Variants in INPP4B observed in about 807,000 individuals in gnomAD.
The protein encoded by INPP4B is inositol polyphosphate-4-phosphatase type II B, also known as inositol polyphosphate 4-phosphatase type II.
In INPP4B, 55 loss-of-function variants were observed where a neutral mutation model predicts 122.5. The observed-to-expected ratio is 0.45, with a 90% confidence interval of 0.36 to 0.56. The LOEUF (loss-of-function observed/expected upper bound fraction) is 0.56, where lower values mean the gene tolerates loss of function less well. Ranked by LOEUF, INPP4B falls within the 20% of genes least tolerant of loss-of-function variation. The pLI is 0.00. For synonymous variants in INPP4B, 403 were observed against 388.7 expected (o/e 1.04, Z -0.43); for missense variants, 1,000 against 1,097.7 (o/e 0.91, Z 1.26).
chr4:142,560,897 A>C (rs1730329946), intron 2 of INPP4B, among the ~76,000 whole-genome samples: 1 of 152,188 alleles, frequency 6.6e-6, no homozygotes, highest in Non-Finnish European at 1.5e-5. Flanking sequence ...TCAAGTTGAC[A>C]CTCAATATTA....
chr4:142,320,857 T>TA (rs1769732191), intron 7 of INPP4B, among the ~76,000 whole-genome samples: 1 of 152,240 alleles, frequency 6.6e-6, no homozygotes, highest in African/African-American at 2.4e-5. Context: ...ACATTTTCTT[T>TA]ATCTACTCAT....
chr4:142,435,271 T>A (rs997800366), intron 3 of INPP4B, among the ~76,000 whole-genome samples: 1 of 152,186 alleles, frequency 6.6e-6, no homozygotes, highest in Non-Finnish European at 1.5e-5. Context: ...CATTTAGTTT[T>A]GTTTTGTTTT....
intron 2 of INPP4B, among the ~76,000 whole-genome samples, chr4:142,646,425 G>A (rs1197574074): frequency 2.0e-5 from 3 of 152,120 alleles, no homozygotes; most frequent in Non-Finnish European, 4.4e-5. Flanking sequence ...CATAGTATCA[G>A]ATTTCTTTAT....
At chr4:142,464,717 A>G (rs1817433015) in intron 2 of INPP4B, among the ~76,000 whole-genome samples, 1 of 152,310 alleles carries the variant, frequency 6.6e-6, no homozygotes, top group East Asian at 1.9e-4. Context: ...TCAAAACAGA[A>G]AATAATATAG....
chr4:142,265,864 G>A (rs1006030842), intron 10 of INPP4B, among the ~76,000 whole-genome samples: 1 of 152,138 alleles, frequency 6.6e-6, no homozygotes, highest in African/African-American at 2.4e-5. Context: ...TTGGGTGGGG[G>A]CATATCTCTA....
chr4:142,776,793 C>T (rs1279828820), intron 1 of INPP4B, among the ~76,000 whole-genome samples: 5 of 152,040 alleles, frequency 3.3e-5, no homozygotes, highest in African/African-American at 1.2e-4. Context: ...AGCCTAGAGA[C>T]CTGGATCTAT....
In INPP4B at chr4:142,659,449, C is replaced by G. The variant is rs78529789; in HGVS notation, c.-191+66390G>C. Among the ~76,000 whole-genome samples the G allele has an allele frequency of 4.7e-4, 72 of 151,862 alleles. 1 individual carries two copies. The East Asian group carries it at 0.013, about 28-fold the overall frequency. On this transcript the variant is annotated intron_variant, in intron 2 of 25. Coordinates refer to ENST00000262992, the MANE Select transcript of INPP4B (RefSeq NM_001101669.3). ...GACTGGAGAGAGAGAAATTATGTTT[C>G]AAAACTTATATATTGGTCACTAAAT...
chr4:142,462,159 T>C (rs549090560), intron 3 of INPP4B, among the ~76,000 whole-genome samples: 187 of 152,284 alleles, frequency 1.2e-3, no homozygotes, highest in Non-Finnish European at 2.3e-3. Flanking sequence ...TTAAATGTCA[T>C]CTTCCAGAGA....
In INPP4B at chr4:142,252,399, A is replaced by G. The variant is rs574737228; in HGVS notation, c.688+8093T>C. Among the ~76,000 whole-genome samples the G allele has an allele frequency of 1.9e-3, 294 of 152,054 alleles. 2 individuals carry two copies. In the Middle Eastern group the frequency reaches 0.041, roughly 21 times the overall value. On this transcript the variant is annotated intron_variant, in intron 11 of 25. Coordinates refer to ENST00000262992, the MANE Select transcript of INPP4B (RefSeq NM_001101669.3). ...GAGACGGGGTTTCGCCGTGTTAGCC[A>G]GGATGGTCTCGATCTCCTGACCTCG...
At chr4:142,561,264 A>G (rs1340758349) in intron 2 of INPP4B, among the ~76,000 whole-genome samples, 1 of 152,248 alleles carries the variant, frequency 6.6e-6, no homozygotes, top group Non-Finnish European at 1.5e-5. Flanking sequence ...AAAATATAAT[A>G]CTGTTTTAAA....
At chr4:142,673,489 T>C (rs1003577427) in intron 2 of INPP4B, among the ~76,000 whole-genome samples, 1 of 151,756 alleles carries the variant, frequency 6.6e-6, no homozygotes, top group African/African-American at 2.4e-5. Flanking sequence ...GGACAGAGAA[T>C]AATACGTTTG....
At chr4:142,054,557 T>A (rs536200349) in intron 25 of INPP4B, among the ~76,000 whole-genome samples, 18 of 149,736 alleles carry the variant, frequency 1.2e-4, no homozygotes, top group African/African-American at 4.4e-4. Context: ...AATATAAAAG[T>A]GAGATAATTC....
intron 9 of INPP4B, among the ~76,000 whole-genome samples, chr4:142,277,168 G>T (rs1156786830): frequency 6.7e-6 from 1 of 149,886 alleles, no homozygotes; most frequent in Non-Finnish European, 1.5e-5. Context: ...CCCACTTTTT[G>T]ATGGGATTGT....
At chr4:142,090,329 T>C (rs1778917347) in intron 23 of INPP4B, among the ~76,000 whole-genome samples, 1 of 152,080 alleles carries the variant, frequency 6.6e-6, no homozygotes, top group Non-Finnish European at 1.5e-5. Flanking sequence ...CTATTTCTAT[T>C]TCTATAGTGA....
At chr4:142,451,685 C>T (rs936267934) in intron 3 of INPP4B, among the ~76,000 whole-genome samples, 5 of 152,116 alleles carry the variant, frequency 3.3e-5, no homozygotes, top group South Asian at 4.2e-4. Flanking sequence ...CAATCCCAGT[C>T]AAGAAACGAT....
intron 2 of INPP4B, among the ~76,000 whole-genome samples, chr4:142,524,588 C>T (rs529263176): frequency 1.6e-4 from 25 of 152,030 alleles, no homozygotes; most frequent in Middle Eastern, 6.8e-3. Context: ...CCAATATACG[C>T]AAATCAATAA....
rs577914666 is a variant in INPP4B, at chr4:142,725,899, A to G, written c.-251T>C. The G allele has an allele frequency of 8.8e-4, 349 of 397,990 alleles. No homozygotes were observed. Among genetic ancestry groups the G allele is most frequent in the African/African-American group, 6.5e-3 (319 of 48,728 alleles). 24.7% of individuals were successfully genotyped at this position (397,990 alleles called of 1,614,324 possible). ...TTGCCAGGTAACACCATTTCTTTGTATTCTACGGGAAAAGAGAAAGAAGAT... is the reference window on the plus strand; with the variant it reads ...TTGCCAGGTAACACCATTTCTTTGTGTTCTACGGGAAAAGAGAAAGAAGAT... On this transcript the variant is annotated splice_region_variant and 5_prime_UTR_variant, in exon 2 of 26. Coordinates refer to ENST00000262992, the MANE Select transcript of INPP4B (RefSeq NM_001101669.3).
At chr4:142,422,826 CAAACAAA>C (rs969104383) in intron 5 of INPP4B, among the ~76,000 whole-genome samples, 3 of 151,686 alleles carry the variant, frequency 2.0e-5, no homozygotes, top group African/African-American at 7.3e-5. Context: ...AAGAAACAAA[CAAACAAA>C]AAACAAAAAA....
At chr4:142,190,312 C>T (rs1367924466) in intron 15 of INPP4B, among the ~76,000 whole-genome samples, 1 of 151,834 alleles carries the variant, frequency 6.6e-6, no homozygotes, top group Non-Finnish European at 1.5e-5. Context: ...TTTACTTTAA[C>T]CTAAAGCCCA....
Sources: allele counts gnomAD v4.1 joint callset (sites outside exome capture counted in the v4.1 genomes callset), GRCh38; gene constraint gnomAD v4.1.1; transcripts MANE v1.5; gene names NCBI Gene and HGNC (gene_info 2026-07-23, HGNC 2026-07-21).